WDR93: variants seen among roughly 807,000 people sequenced by gnomAD.
WDR93 encodes the protein WD repeat domain 93, also known as WD repeat-containing protein 93.
A neutral mutation model predicts 82.9 loss-of-function variants in WDR93; 73 were observed. That is an observed-to-expected ratio of 0.88 (90% CI 0.73 to 1.07). WDR93 has a LOEUF of 1.07. Ranked by LOEUF, WDR93 falls within the 50% of genes least tolerant of loss-of-function variation. The probability of loss-of-function intolerance (pLI) is 0.00; values close to 1 mark genes in which losing one functional copy is unlikely to be tolerated. For synonymous variants in WDR93, 283 were observed against 300.1 expected (o/e 0.94, Z 0.59); for missense variants, 738 against 826.0 (o/e 0.89, Z 1.31).
intron 13 of WDR93, among the ~76,000 whole-genome samples, chr15:89,734,960 TCTTCCTTCCTTCCTTCCCTCCGTCCCTC>T (rs1967039141): frequency 6.6e-6 from 1 of 152,044 alleles, no homozygotes; most frequent in African/African-American, 2.4e-5. Context: ...CTCCAACTTG[TCTTCCTTCCTTCCTTCCCTCCGTCCCTC>T]CTTCCTTCCT....
At chr15:89,740,646 C>T (rs981635330) in intron 16 of WDR93, among the ~76,000 whole-genome samples, 2 of 152,054 alleles carry the variant, frequency 1.3e-5, no homozygotes, top group East Asian at 3.9e-4. Context: ...GGATTACAGG[C>T]ATGCGCCACC....
chr15:89,703,434 T>G (rs1259848361), intron 3 of WDR93: 1 of 428,436 alleles, frequency 2.3e-6, no homozygotes, highest in Non-Finnish European at 4.2e-6. Flanking sequence ...TGAGGTAACA[T>G]GGAAAGTCAG....
intron 3 of WDR93, 77 bp downstream of exon 3, chr15:89,703,219 G>A (rs982203608): frequency 5.9e-6 from 9 of 1,521,226 alleles, no homozygotes; most frequent in East Asian, 4.5e-5. Context: ...TCCTTTTGAG[G>A]TATTGGTGGG....
At chr15:89,717,051 T>TTC in intron 7 of WDR93, 102 bp downstream of exon 7, 1 of 655,780 alleles carries the variant, frequency 1.5e-6, no homozygotes, top group Non-Finnish European at 2.2e-6. Context: ...CTTTCTTTTT[T>TTC]TTTTTTTTTT....
intron 4 of WDR93, among the ~76,000 whole-genome samples, chr15:89,711,281 A>G (rs1361782239): frequency 6.6e-6 from 1 of 152,194 alleles, no homozygotes; most frequent in African/African-American, 2.4e-5. Context: ...GAAAAATTCC[A>G]TAGGACAAAT....
chr15:89,703,354 A>AG (rs1445523023), intron 3 of WDR93: 3 of 583,592 alleles, frequency 5.1e-6, no homozygotes, highest in East Asian at 2.8e-5. Flanking sequence ...TGGCAGCCTT[A>AG]GGGGGGAAGT....
chr15:89,735,614 G>C (rs1596123204), intron 14 of WDR93, 61 bp downstream of exon 14: 1 of 1,531,886 alleles, frequency 6.5e-7, no homozygotes, highest in East Asian at 2.3e-5. Flanking sequence ...CTGTGAATGT[G>C]TTCATCTGTC....
chr15:89,707,231 T>C (rs1425377649), intron 4 of WDR93, among the ~76,000 whole-genome samples: 4 of 152,286 alleles, frequency 2.6e-5, no homozygotes, highest in Middle Eastern at 3.4e-3. Context: ...TAATTACACA[T>C]GTATTAGAAT....
chr15:89,708,885 A>G (rs1011804141), intron 4 of WDR93, among the ~76,000 whole-genome samples: 13 of 152,226 alleles, frequency 8.5e-5, no homozygotes, highest in African/African-American at 3.1e-4. Context: ...GAAATGACCA[A>G]AGGTCAGAGA....
chr15:89,733,559 C>G (rs1042651975), intron 13 of WDR93, among the ~76,000 whole-genome samples: 12 of 152,078 alleles, frequency 7.9e-5, no homozygotes, highest in Non-Finnish European at 1.5e-4. Context: ...CCCACTCATG[C>G]ATTAATGGAT....
At chr15:89,722,392 AG>A (rs1966563242) in intron 8 of WDR93, among the ~76,000 whole-genome samples, 1 of 152,250 alleles carries the variant, frequency 6.6e-6, no homozygotes, top group South Asian at 2.1e-4. Context: ...CTGAATTGCC[AG>A]GTTGAGTTCA....
At chr15:89,709,537 A>G (rs1339907765) in intron 4 of WDR93, among the ~76,000 whole-genome samples, 2 of 151,662 alleles carry the variant, frequency 1.3e-5, no homozygotes, top group Non-Finnish European at 2.9e-5. Flanking sequence ...ATATCCTTCA[A>G]AGTATTTGTA....
intron 2 of WDR93, among the ~76,000 whole-genome samples, chr15:89,702,729 G>A (rs1567099603): frequency 1.3e-5 from 2 of 152,026 alleles, no homozygotes; most frequent in African/African-American, 4.8e-5. Flanking sequence ...AGTAGAGATG[G>A]GGTTTCACCA....
chr15:89,719,079 AT>A lies in WDR93; in HGVS notation c.795+2137del, dbSNP rs976092611. Reference sequence around the variant, plus strand: ...TTTTTACTCATCAATTTGTTTGCACATTTTTTTCTTTTTCTTTTTTCATTTT... The same window carrying A: ...TTTTTACTCATCAATTTGTTTGCACATTTTTTCTTTTTCTTTTTTCATTTT... On this transcript the variant is annotated intron_variant, in intron 7 of 16. Transcript: ENST00000268130. 9.9e-4 allele frequency among the ~76,000 whole-genome samples: 150 copies of A among 151,758 alleles called. 2 individuals carry two copies. Among genetic ancestry groups the A allele is most frequent in the Non-Finnish European group, 1.2e-4 (8 of 67,946 alleles).
At chr15:89,741,181 T>C (rs1192399047) in intron 16 of WDR93, among the ~76,000 whole-genome samples, 1 of 152,232 alleles carries the variant, frequency 6.6e-6, no homozygotes, top group Non-Finnish European at 1.5e-5. Context: ...CTTTATTTGC[T>C]ATTACACATA....
upstream of WDR93, chr15:89,690,807 G>A (rs1964829457): frequency 5.3e-6 from 3 of 562,118 alleles, no homozygotes; most frequent in Non-Finnish European, 9.5e-6. Context: ...CGGACTTCCG[G>A]TTCAAGCCGG....
At chr15:89,709,760 T>A (rs998130859) in intron 4 of WDR93, among the ~76,000 whole-genome samples, 6 of 152,022 alleles carry the variant, frequency 3.9e-5, no homozygotes, top group African/African-American at 2.4e-5. Context: ...GTTAAACCTA[T>A]GATACATCAA....
Position 89,738,159 on chromosome 15 carries a change from T to C in WDR93, c.1884T>C (p.Pro628=), listed in dbSNP as rs185972982. The change falls in exon 16 of 17, where the codon CCT becomes CCC. Residue 628 remains proline, a synonymous_variant. Transcript: ENST00000268130. ...ATATCTCAAAAAATTGTACCATTCCTCAAAGGGACTTGGATAACATGGCCT... is the reference window on the plus strand; with the variant it reads ...ATATCTCAAAAAATTGTACCATTCCCCAAAGGGACTTGGATAACATGGCCT... ...LENISKNCTI[P]QRDLDNMAFP... 6.2e-7 allele frequency: 1 copy of C among 1,614,204 alleles called. No individual in the cohort carries two copies. The highest frequency in any genetic ancestry group is 2.2e-5 in the East Asian group (1 of 44,880).
At chr15:89,716,853 G>T in intron 6 of WDR93, 58 bp from the exon 7 acceptor site, 1 of 1,193,432 alleles carries the variant, frequency 8.4e-7, no homozygotes, top group South Asian at 1.4e-5. Flanking sequence ...GAAGATTAAA[G>T]GGGGTGGTAA....
Sources: gnomAD v4.1 joint callset for allele counts (sites outside exome capture counted in the v4.1 genomes callset) on GRCh38, gnomAD v4.1.1 for gene constraint, MANE v1.5 for transcripts, NCBI Gene and HGNC (gene_info 2026-07-23, HGNC 2026-07-21) for gene names.